The following LRRD1 variants were observed in gnomAD, a reference collection of about 807,000 sequenced individuals.
The protein encoded by LRRD1 is leucine rich repeats and death domain containing 1, also known as leucine-rich repeat and death domain-containing protein 1.
In LRRD1, 49 loss-of-function variants were observed where a neutral mutation model predicts 69.5. The observed-to-expected ratio is 0.70, with a 90% CI of 0.56 to 0.89. LRRD1 has a LOEUF of 0.89. Ranked by LOEUF, LRRD1 falls within the 40% of genes least tolerant of loss-of-function variation. The pLI is 0.00. For missense variants in LRRD1, 853 were observed against 956.0 expected (o/e 0.89, Z 1.42); for synonymous variants, 303 against 338.9 (o/e 0.89, Z 1.16).
Position 92,146,148 on chromosome 7 carries a change from G to T in LRRD1, c.2331C>A (p.Thr777=). ...GTTTTTGACATAAAAATTCAAAATT[G>T]GTTTCAGTGATGTTGTTGGCAACTA... is the stretch of plus-strand genomic sequence containing the variant. ...FKIVANNITE[T]NFEFLCQKLN... is the part of the protein sequence containing the mutation. Residue 777 remains threonine, a synonymous_variant, in exon 5 of 6, where the codon ACC becomes ACA. Coordinates refer to ENST00000458448, the MANE Select transcript of LRRD1 (RefSeq NM_001161528.2). The T allele has an allele frequency of 6.5e-7, 1 of 1,541,900 alleles. No homozygotes were observed. Among genetic ancestry groups the T allele is most frequent in the Non-Finnish European group, 8.7e-7 (1 of 1,143,476 alleles).
rs185155072 is a variant in LRRD1, at chr7:92,163,897, A to T, written c.1306T>A (p.Cys436Ser). The T allele has an allele frequency of 3.8e-4, 586 of 1,530,516 alleles. 5 individuals carry two copies. In the African/African-American group the frequency reaches 7.2e-3, roughly 19 times the overall value. 94.8% of individuals were successfully genotyped at this position (1,530,516 alleles called of 1,614,324 possible). The change falls in exon 2 of 6, where the codon TGT becomes AGT. Residue 436 changes from cysteine to serine, a missense_variant. By Grantham distance (112) the Cys-to-Ser change is moderately radical. Coordinates refer to ENST00000458448, the MANE Select transcript of LRRD1 (RefSeq NM_001161528.2). ...NRNNMVKITDCISHLNNICSL... is the reference protein window; with the variant it reads ...NRNNMVKITDSISHLNNICSL... ...CATATGTTATTAAGATGTGAGATAC[A>T]GTCAGTTATTTTTACCATATTATTT...
Position 92,165,086 on chromosome 7 carries a change from C to T in LRRD1, c.117G>A (p.Leu39=). The T allele has an allele frequency of 6.4e-7, 1 of 1,551,530 alleles. No homozygotes were observed. The highest frequency in any genetic ancestry group is 1.2e-5 in the South Asian group (1 of 84,044). The change falls in exon 2 of 6, where the codon TTG becomes TTA. Residue 39 remains leucine, a synonymous_variant. Coordinates refer to ENST00000458448, the MANE Select transcript of LRRD1 (RefSeq NM_001161528.2). ...EPGFIKETSN[L]INEASDYLEG... ...CCAGGTAATCAGAAGCTTCGTTTAT[C>T]AAATTTGATGTTTCTTTAATAAAGC... is the stretch of plus-strand genomic sequence containing the variant.
intron 3 of LRRD1, 61 bp from the exon 4 acceptor site, chr7:92,150,756 A>G (rs540752100): frequency 9.7e-6 from 12 of 1,241,700 alleles, no homozygotes; most frequent in Non-Finnish European, 1.3e-5. Context: ...ATGGAGACAA[A>G]TAACATCTGT....
At chr7:92,175,429 C>A (rs912743025) in intron 1 of LRRD1, among the ~76,000 whole-genome samples, 1 of 152,116 alleles carries the variant, frequency 6.6e-6, no homozygotes, top group East Asian at 1.9e-4. Flanking sequence ...AGTTGGATCA[C>A]CCGAGGTCAG....
intron 1 of LRRD1, among the ~76,000 whole-genome samples, chr7:92,167,918 C>G (rs1264310480): frequency 7.9e-6 from 1 of 127,388 alleles, no homozygotes; most frequent in Non-Finnish European, 1.6e-5. Flanking sequence ...ATAAGTTATT[C>G]TGCTCTAAGA....
At chr7:92,145,527 C>T (rs1820300562) in intron 5 of LRRD1, among the ~76,000 whole-genome samples, 1 of 151,562 alleles carries the variant, frequency 6.6e-6, no homozygotes, top group Admixed American at 6.6e-5. Flanking sequence ...GCAAGCTCCG[C>T]CTCCCGGGTT....
intron 3 of LRRD1, among the ~76,000 whole-genome samples, chr7:92,153,985 T>C: frequency 6.8e-6 from 1 of 147,702 alleles, no homozygotes; most frequent in East Asian, 2.3e-4. Flanking sequence ...TACAGGCGCC[T>C]GCCACCACGC....
At chr7:92,176,216 T>C (rs1036870910) in intron 1 of LRRD1, among the ~76,000 whole-genome samples, 2 of 152,238 alleles carry the variant, frequency 1.3e-5, no homozygotes, top group Non-Finnish European at 2.9e-5. Context: ...GTCTTCCTAT[T>C]TAATAACATG....
intron 4 of LRRD1, 44 bp downstream of exon 4, chr7:92,150,489 TA>T (rs1263793039): frequency 1.1e-5 from 16 of 1,423,680 alleles, no homozygotes; most frequent in South Asian, 7.9e-5. Context: ...TAAAATAAAA[TA>T]AAAAAGAAAT....
chr7:92,146,115 C>T lies in LRRD1; in HGVS notation c.2364G>A (p.Leu788=), dbSNP rs1202545184. Residue 788 remains leucine (L), a synonymous_variant, in exon 5 of 6, where the codon CTG becomes CTA. Transcript: ENST00000458448. ...NFEFLCQKLN[L]ANSETDMPTK... ...TAGGCATATCAGTTTCTGAGTTTGCCAGGTTTAGTTTTTGACATAAAAATT... is the reference window on the plus strand; with the variant it reads ...TAGGCATATCAGTTTCTGAGTTTGCTAGGTTTAGTTTTTGACATAAAAATT... The T allele has an allele frequency of 1.2e-5, 18 of 1,539,204 alleles. No homozygotes were observed. In the Admixed American group the frequency reaches 3.5e-4, roughly 30 times the overall value.
chr7:92,164,306 G>A lies in LRRD1; in HGVS notation c.897C>T (p.Leu299=), dbSNP rs1339300284. 1 of 1,550,974 alleles carries A rather than the reference G, an allele frequency of 6.4e-7. No homozygotes were observed. Among genetic ancestry groups the A allele is most frequent in the East Asian group, 2.5e-5 (1 of 40,812 alleles). ...YNQLTTFPKA[L]CFLPKLISLD... ...GTGAAATTAACTTTGGAAGGAAGCA[G>A]AGAGCTTTAGGAAATGTTGTTAACT... Residue 299 remains leucine (L), a synonymous_variant, in exon 2 of 6, where the codon CTC becomes CTT. Coordinates refer to ENST00000458448, the MANE Select transcript of LRRD1 (RefSeq NM_001161528.2).
At chr7:92,145,372 A>G (rs1820292365) in intron 5 of LRRD1, among the ~76,000 whole-genome samples, 1 of 151,974 alleles carries the variant, frequency 6.6e-6, no homozygotes, top group South Asian at 2.1e-4. Context: ...TCAGTTCTCA[A>G]GACCTCAAAA....
chr7:92,147,840 T>A (rs897375822), intron 4 of LRRD1, among the ~76,000 whole-genome samples: 1 of 152,074 alleles, frequency 6.6e-6, no homozygotes, highest in African/African-American at 2.4e-5. Flanking sequence ...CAAGCGACTC[T>A]CCCACTTCAC....
chr7:92,174,507 A>ATTT (rs1563195862), intron 1 of LRRD1, among the ~76,000 whole-genome samples: 10 of 16,642 alleles, frequency 6.0e-4, no homozygotes, highest in Non-Finnish European at 1.1e-3. Flanking sequence ...ATATATATAT[A>ATTT]TATTTTTTTT....
rs752855005 is a variant in LRRD1 at position 92,145,110 on chromosome 7, A to G, written c.2397-36T>C. The G allele has an allele frequency of 3.4e-5, 36 of 1,062,206 alleles. No individual in the cohort carries two copies. The South Asian group carries it at 5.8e-4, about 17-fold the overall frequency. 65.8% of individuals were successfully genotyped at this position (1,062,206 alleles called of 1,614,324 possible). On this transcript the variant is annotated intron_variant, in intron 5 of 5. Transcript: ENST00000458448. ...TTATTAATAATATTAATAGTTAAAT[A>G]TTTATTAACGTTTAATATATTTAAA... is the stretch of plus-strand genomic sequence containing the variant.
intron 1 of LRRD1, among the ~76,000 whole-genome samples, chr7:92,169,733 C>A (rs1300108501): frequency 2.6e-5 from 4 of 151,618 alleles, no homozygotes; most frequent in African/African-American, 9.7e-5. Flanking sequence ...ACAGATCAAG[C>A]AGAGGAAAGA....
chr7:92,148,935 G>C (rs1329044710), intron 4 of LRRD1, among the ~76,000 whole-genome samples: 1 of 152,104 alleles, frequency 6.6e-6, no homozygotes, highest in African/African-American at 2.4e-5. Flanking sequence ...TTCTAGTAGA[G>C]ATGGGGTTTC....
chr7:92,153,436 A>G (rs1788569762), intron 3 of LRRD1, among the ~76,000 whole-genome samples: 2 of 151,760 alleles, frequency 1.3e-5, no homozygotes, highest in Non-Finnish European at 2.9e-5. Flanking sequence ...AATTTTTATT[A>G]AGTTGTTTGA....
chr7:92,163,492 A>G lies in LRRD1; in HGVS notation c.1711T>C (p.Phe571Leu), dbSNP rs1444121613. 6.5e-7 allele frequency: 1 copy of G among 1,528,028 alleles called. No individual in the cohort carries two copies. The highest frequency in any genetic ancestry group is 8.8e-7 in the Non-Finnish European group (1 of 1,138,440). 94.7% of individuals were successfully genotyped at this position (1,528,028 alleles called of 1,614,324 possible). ...TCTAAAGTACACAATTCTCTAGGGA[A>G]AGTTTCAAATTTATTACAGCATAAA... The part of the protein sequence containing the change: ...LILCCNKFET[F>L]PRELCTLENL... The change falls in exon 2 of 6, where the codon TTC (phenylalanine) becomes CTC (leucine). Residue 571 changes from phenylalanine (F) to leucine (L), a missense_variant. Coordinates refer to ENST00000458448, the MANE Select transcript of LRRD1 (RefSeq NM_001161528.2).
Sources: allele counts gnomAD v4.1 joint callset (sites outside exome capture counted in the v4.1 genomes callset), GRCh38; gene constraint gnomAD v4.1.1; transcripts MANE v1.5; gene names NCBI Gene and HGNC (gene_info 2026-07-23, HGNC 2026-07-21).